PDE4D: variants seen among roughly 807,000 people sequenced by gnomAD.
PDE4D encodes the protein 3',5'-cyclic-AMP phosphodiesterase 4D.
PDE4D carries 24 observed loss-of-function variants against 87.4 expected under a neutral mutation model. That is an observed-to-expected ratio of 0.27 (90% CI 0.20 to 0.39). PDE4D has a LOEUF of 0.39. Ranked by LOEUF, PDE4D falls within the 10% of genes least tolerant of loss-of-function variation. PDE4D has a pLI of 1.00. For synonymous variants in PDE4D, 384 were observed against 383.2 expected, an observed-to-expected ratio of 1.00 and a Z score of -0.02; for missense variants, 714 against 1,041.0, an observed-to-expected ratio of 0.69 and a Z score of 4.32.
intron 1 of PDE4D, among the ~76,000 whole-genome samples, chr5:60,409,455 T>G (rs913666378): frequency 1.3e-5 from 2 of 152,102 alleles, no homozygotes; most frequent in Non-Finnish European, 2.9e-5. Context: ...GAAGTTATGG[T>G]CTCTTCCCTA....
chr5:59,014,094 C>T (rs909737950), intron 6 of PDE4D, among the ~76,000 whole-genome samples: 3 of 152,166 alleles, frequency 2.0e-5, no homozygotes, highest in African/African-American at 4.8e-5. Flanking sequence ...CAAAATTCAA[C>T]AGGACTTCAT....
chr5:59,439,762 G>C (rs1445063889), intron 1 of PDE4D, among the ~76,000 whole-genome samples: 1 of 152,146 alleles, frequency 6.6e-6, no homozygotes, highest in East Asian at 1.9e-4. Flanking sequence ...CCTTGGGGTT[G>C]GGATATAGGG....
At chr5:59,757,247 A>T (rs867422056) in intron 1 of PDE4D, among the ~76,000 whole-genome samples, 9 of 152,234 alleles carry the variant, frequency 5.9e-5, no homozygotes, top group African/African-American at 2.2e-4. Flanking sequence ...CAATGAAGGT[A>T]GGTAGTTTTG....
chr5:60,263,679 T>C (rs1271924772), intron 1 of PDE4D, among the ~76,000 whole-genome samples: 1 of 152,182 alleles, frequency 6.6e-6, no homozygotes, highest in East Asian at 1.9e-4. Flanking sequence ...TTTTGTTATT[T>C]TGTCTCCTAT....
intron 1 of PDE4D, among the ~76,000 whole-genome samples, chr5:59,694,190 CTT>C (rs1206440529): frequency 6.6e-6 from 1 of 152,096 alleles, no homozygotes; most frequent in Non-Finnish European, 1.5e-5. Context: ...CAAAACAAAA[CTT>C]TATTATTTTA....
intron 3 of PDE4D, among the ~76,000 whole-genome samples, chr5:59,947,416 G>A (rs888176607): frequency 4.6e-5 from 7 of 152,106 alleles, no homozygotes; most frequent in African/African-American, 1.7e-4. Flanking sequence ...CGGCCCGGGG[G>A]AGGTAGCTCT....
chr5:60,497,691 T>C (rs1386492707), intron 1 of PDE4D, among the ~76,000 whole-genome samples: 1 of 152,098 alleles, frequency 6.6e-6, no homozygotes, highest in Non-Finnish European at 1.5e-5. Flanking sequence ...GTGTGAGTCA[T>C]GGGGCACACC....
intron 1 of PDE4D, among the ~76,000 whole-genome samples, chr5:59,780,468 G>A (rs1032403669): frequency 6.6e-5 from 10 of 152,150 alleles, no homozygotes; most frequent in African/African-American, 2.4e-4. Flanking sequence ...ATTATAGAAG[G>A]GTTTTGAGAA....
At chr5:60,118,069 TG>T (rs1400555944) in intron 2 of PDE4D, among the ~76,000 whole-genome samples, 1 of 149,842 alleles carries the variant, frequency 6.7e-6, no homozygotes, top group Non-Finnish European at 1.5e-5. Context: ...TCACTCCTTT[TG>T]TTGTTGTTGT....
intron 1 of PDE4D, among the ~76,000 whole-genome samples, chr5:59,346,547 G>C (rs943135311): frequency 6.6e-6 from 1 of 151,680 alleles, no homozygotes; most frequent in Non-Finnish European, 1.5e-5. Context: ...TCCCTTTCTT[G>C]GCATTTTGGT....
chr5:59,447,392 A>T (rs1798502591), intron 1 of PDE4D, among the ~76,000 whole-genome samples: 1 of 151,946 alleles, frequency 6.6e-6, no homozygotes, highest in Admixed American at 6.6e-5. Context: ...TAATTCATTA[A>T]TTATCAATAA....
At chr5:59,587,678 C>A in intron 1 of PDE4D, 1 of 946,464 alleles carries the variant, frequency 1.1e-6, no homozygotes, top group Non-Finnish European at 1.3e-6. Flanking sequence ...GATGTGCTGG[C>A]GTCAAGGGGG....
chr5:59,746,281 T>C (rs1199146997), intron 1 of PDE4D, among the ~76,000 whole-genome samples: 2 of 152,126 alleles, frequency 1.3e-5, no homozygotes, highest in African/African-American at 4.8e-5. Flanking sequence ...GTCTCATTCT[T>C]GGAGCATACA....
intron 2 of PDE4D, among the ~76,000 whole-genome samples, chr5:60,179,572 T>C (rs1784213368): frequency 6.6e-6 from 1 of 152,122 alleles, no homozygotes; most frequent in Admixed American, 6.6e-5. Flanking sequence ...ATTGGAAGCA[T>C]TTGATAATAA....
chr5:59,175,336 T>C (rs1783647589), intron 5 of PDE4D, among the ~76,000 whole-genome samples: 1 of 152,144 alleles, frequency 6.6e-6, no homozygotes, highest in Admixed American at 6.5e-5. Context: ...CATACCAATA[T>C]TCTCTGTTAC....
In PDE4D at chr5:59,102,278, G is replaced by A. The variant is rs192232426; in HGVS notation, c.809-63307C>T. On this transcript the variant is annotated intron_variant, in intron 5 of 14. Transcript: ENST00000340635. Reference sequence around the variant, plus strand: ...ATTTTTTATTTTTAGTAGAGATGGGGTTTCTCCATGTTGGTCAGGCTGGTC... The same window carrying A: ...ATTTTTTATTTTTAGTAGAGATGGGATTTCTCCATGTTGGTCAGGCTGGTC... 5.9e-3 allele frequency among the ~76,000 whole-genome samples: 894 copies of A among 151,620 alleles called. 5 individuals carry two copies. The highest frequency in any genetic ancestry group is 8.6e-3 in the Admixed American group (131 of 15,226).
intron 1 of PDE4D, among the ~76,000 whole-genome samples, chr5:59,655,499 C>T (rs761192492): frequency 6.6e-6 from 1 of 152,082 alleles, no homozygotes; most frequent in Non-Finnish European, 1.5e-5. Flanking sequence ...ATTTTACATC[C>T]TTGTAATTGT....
intron 1 of PDE4D, among the ~76,000 whole-genome samples, chr5:59,462,324 GCTAGGGTCT>G (rs2153646693): frequency 6.6e-6 from 1 of 152,012 alleles, no homozygotes; most frequent in East Asian, 1.9e-4. Flanking sequence ...GGCAAAATTA[GCTAGGGTCT>G]CTAGGTAGTA....
intron 6 of PDE4D, among the ~76,000 whole-genome samples, chr5:59,032,501 C>T (rs564158212): frequency 1.3e-5 from 2 of 152,270 alleles, no homozygotes; most frequent in South Asian, 2.1e-4. Context: ...ATTGCTTGAA[C>T]TTGGGAGGCG....
Sources: gnomAD v4.1 joint callset for allele counts (sites outside exome capture counted in the v4.1 genomes callset) on GRCh38, gnomAD v4.1.1 for gene constraint, MANE v1.5 for transcripts, NCBI Gene and HGNC (gene_info 2026-07-23, HGNC 2026-07-21) for gene names.